Variants in EXOC4 observed in about 807,000 individuals in gnomAD.
The protein encoded by EXOC4 is SEC8-like 1.
A neutral mutation model predicts 107.2 loss-of-function variants in EXOC4; 71 were observed. That is an observed-to-expected ratio of 0.66 (90% CI 0.55 to 0.81). The LOEUF (loss-of-function observed/expected upper bound fraction) is 0.81, where lower values mean the gene tolerates loss of function less well. Among genes scored for constraint, EXOC4 ranks in the 30% least tolerant of loss-of-function variants. EXOC4 has a pLI of 0.00. For synonymous variants in EXOC4, 456 were observed against 441.2 expected, an observed-to-expected ratio of 1.03 and a Z score of -0.42; for missense variants, 1,108 against 1,189.6, an observed-to-expected ratio of 0.93 and a Z score of 1.01.
chr7:133,357,407 C>G (rs1435895328), intron 6 of EXOC4, among the ~76,000 whole-genome samples: 1 of 152,154 alleles, frequency 6.6e-6, no homozygotes, highest in Non-Finnish European at 1.5e-5. Context: ...GTGTCTCATG[C>G]TTTCTTCTTT....
chr7:133,896,156 T>C (rs1486807961), intron 12 of EXOC4, among the ~76,000 whole-genome samples: 1 of 152,224 alleles, frequency 6.6e-6, no homozygotes, highest in Non-Finnish European at 1.5e-5. Flanking sequence ...ATTTAATTTG[T>C]AGCATTCCTA....
intron 10 of EXOC4, among the ~76,000 whole-genome samples, chr7:133,693,520 TCAATC>T (rs1180600013): frequency 2.0e-5 from 3 of 152,168 alleles, no homozygotes; most frequent in Non-Finnish European, 4.4e-5. Flanking sequence ...TTTGCATCCT[TCAATC>T]CAATCCGGTT....
chr7:133,793,925 T>C (rs940748380), intron 10 of EXOC4, among the ~76,000 whole-genome samples: 5 of 152,172 alleles, frequency 3.3e-5, no homozygotes, highest in African/African-American at 1.2e-4. Flanking sequence ...ATCAGGTACC[T>C]CACATAACTT....
intron 14 of EXOC4, among the ~76,000 whole-genome samples, chr7:133,958,754 A>G (rs1269478885): frequency 6.6e-6 from 1 of 152,226 alleles, no homozygotes; most frequent in Non-Finnish European, 1.5e-5. Context: ...CTCTTACTTC[A>G]TATACCTGTG....
chr7:133,693,409 G>A (rs938358178), intron 10 of EXOC4, among the ~76,000 whole-genome samples: 3 of 152,108 alleles, frequency 2.0e-5, no homozygotes, highest in African/African-American at 7.2e-5. Context: ...TGATTAGATG[G>A]TGCCCACCCT....
chr7:133,815,570 A>G (rs538954559), intron 10 of EXOC4, among the ~76,000 whole-genome samples: 14 of 152,306 alleles, frequency 9.2e-5, no homozygotes, highest in African/African-American at 2.4e-4. Flanking sequence ...ATGCTTTGCA[A>G]TATACAGCAA....
chr7:133,825,344 G>A (rs1332012644), intron 11 of EXOC4, among the ~76,000 whole-genome samples: 1 of 152,088 alleles, frequency 6.6e-6, no homozygotes, highest in East Asian at 1.9e-4. Context: ...CAGCCTGAAT[G>A]ATAGAGTGAG....
At chr7:133,876,766 G>A (rs1798858678) in intron 11 of EXOC4, among the ~76,000 whole-genome samples, 1 of 151,978 alleles carries the variant, frequency 6.6e-6, no homozygotes, top group Admixed American at 6.6e-5. Flanking sequence ...GACTCAAAAG[G>A]CCTAGATTCT....
chr7:133,896,837 G>GTTTTTTTTTTTTTTTTTTTTTTT (rs1554416770), intron 12 of EXOC4, among the ~76,000 whole-genome samples: 1 of 85,690 alleles, frequency 1.2e-5, no homozygotes, highest in African/African-American at 1.3e-4. Flanking sequence ...GGCTATTTTT[G>GTTTTTTTTTTTTTTTTTTTTTTT]TATTTTTAGT....
chr7:133,770,710 G>T (rs1585133365), intron 10 of EXOC4, among the ~76,000 whole-genome samples: 1 of 151,918 alleles, frequency 6.6e-6, no homozygotes, highest in Non-Finnish European at 1.5e-5. Flanking sequence ...ATTCCAAAAT[G>T]CTCTGAGAAA....
intron 17 of EXOC4, among the ~76,000 whole-genome samples, chr7:134,035,962 A>G (rs1207050850): frequency 1.3e-5 from 2 of 152,214 alleles, no homozygotes; most frequent in African/African-American, 4.8e-5. Flanking sequence ...CTAAACTAGT[A>G]ACTGGCAACG....
chr7:133,938,167 G>A (rs1488114793), intron 14 of EXOC4, 98 bp downstream of exon 14: 1 of 1,205,546 alleles, frequency 8.3e-7, no homozygotes, highest in Non-Finnish European at 1.2e-6. Flanking sequence ...CCGTATGGGG[G>A]CGTGTCCCAA....
chr7:133,640,674 T>C lies in EXOC4; in HGVS notation c.1514+10533T>C, dbSNP rs143334862. On this transcript the variant is annotated intron_variant, in intron 10 of 17. Coordinates refer to ENST00000253861, the MANE Select transcript of EXOC4 (RefSeq NM_021807.4). The stretch of plus-strand genomic sequence containing the variant: ...TGTAGACTGTTTCCTACAGCTTTGG[T>C]AGTAAAAGCTAGCGGAGCAAAAATT... 1.8e-3 allele frequency among the ~76,000 whole-genome samples: 267 copies of C among 152,304 alleles called. 1 individual carries two copies. Among genetic ancestry groups the C allele is most frequent in the African/African-American group, 6.0e-3 (250 of 41,572 alleles).
intron 6 of EXOC4, among the ~76,000 whole-genome samples, chr7:133,374,204 A>G (rs777478023): frequency 1.1e-4 from 16 of 152,194 alleles, no homozygotes; most frequent in Non-Finnish European, 2.1e-4. Context: ...GAGTATATAA[A>G]ATTGATGTAA....
chr7:133,469,825 C>T (rs1266828411), intron 7 of EXOC4, among the ~76,000 whole-genome samples: 1 of 152,186 alleles, frequency 6.6e-6, no homozygotes, highest in Non-Finnish European at 1.5e-5. Context: ...ATTCTTTATT[C>T]TCCCTCTGCG....
At chr7:133,508,249 A>C (rs919958132) in intron 9 of EXOC4, among the ~76,000 whole-genome samples, 3 of 152,154 alleles carry the variant, frequency 2.0e-5, no homozygotes, top group Non-Finnish European at 2.9e-5. Context: ...GTGTTCTCTA[A>C]CTTTGGGGTG....
chr7:133,637,715 A>G (rs1327104846), intron 10 of EXOC4, among the ~76,000 whole-genome samples: 2 of 152,210 alleles, frequency 1.3e-5, no homozygotes, highest in African/African-American at 4.8e-5. Flanking sequence ...CATAGATTTC[A>G]AACCCTGTAT....
chr7:133,438,283 C>A (rs1268166048), intron 7 of EXOC4, among the ~76,000 whole-genome samples: 1 of 152,028 alleles, frequency 6.6e-6, no homozygotes, highest in Non-Finnish European at 1.5e-5. Flanking sequence ...GGAATTAATC[C>A]CTTATCCCAG....
intron 10 of EXOC4, among the ~76,000 whole-genome samples, chr7:133,766,540 T>G (rs1796142174): frequency 6.6e-6 from 1 of 151,950 alleles, no homozygotes; most frequent in Admixed American, 6.6e-5. Flanking sequence ...TAATATCAGA[T>G]TGTAATTAGG....
Sources: gnomAD v4.1 joint callset for allele counts (sites outside exome capture counted in the v4.1 genomes callset) on GRCh38, gnomAD v4.1.1 for gene constraint, MANE v1.5 for transcripts, NCBI Gene and HGNC (gene_info 2026-07-23, HGNC 2026-07-21) for gene names.